EMC2: variants seen among roughly 807,000 people sequenced by gnomAD.
EMC2 encodes the protein ER membrane protein complex subunit 2, also known as TPR repeat protein 35.
A neutral mutation model predicts 51.6 loss-of-function variants in EMC2; 37 were observed. That is an observed-to-expected ratio of 0.72 (90% CI 0.55 to 0.94). The LOEUF (loss-of-function observed/expected upper bound fraction) is 0.94. Ranked by LOEUF, EMC2 falls within the 40% of genes least tolerant of loss-of-function variation. The probability of loss-of-function intolerance (pLI) is 0.00; values close to 1 mark genes in which losing one functional copy is unlikely to be tolerated. For missense variants in EMC2, 359 were observed against 350.9 expected, an observed-to-expected ratio of 1.02 and a Z score of -0.18; for synonymous variants, 131 against 112.4, an observed-to-expected ratio of 1.17 and a Z score of -1.04.
At chr8:108,456,360 A>AAC in intron 5 of EMC2, among the ~76,000 whole-genome samples, 1 of 149,912 alleles carries the variant, frequency 6.7e-6, no homozygotes. Context: ...AAAAAAAAAA[A>AAC]ACAACTTCTA....
At chr8:108,465,973 AAAT>A (rs763475144) in intron 5 of EMC2, among the ~76,000 whole-genome samples, 100 of 152,350 alleles carry the variant, frequency 6.6e-4, no homozygotes, top group Non-Finnish European at 1.2e-3. Context: ...GAATTGAAGA[AAAT>A]GATGATGATG....
chr8:108,446,216 A>T, intron 1 of EMC2: 1 of 371,736 alleles, frequency 2.7e-6, no homozygotes, highest in Non-Finnish European at 5.5e-6. Context: ...TGAGTGATGA[A>T]GAACTCCAAT....
intron 10 of EMC2, among the ~76,000 whole-genome samples, chr8:108,483,311 T>A (rs1033731854): frequency 6.6e-6 from 1 of 152,184 alleles, no homozygotes; most frequent in African/African-American, 2.4e-5. Context: ...GACAAATGTG[T>A]ACATCCCCTT....
At chr8:108,483,550 C>G (rs1811083917) in intron 10 of EMC2, among the ~76,000 whole-genome samples, 1 of 152,182 alleles carries the variant, frequency 6.6e-6, no homozygotes, top group African/African-American at 2.4e-5. Flanking sequence ...CATTCATTTA[C>G]AGTCCATTTC....
chr8:108,466,442 A>ATTTT (rs869102478), intron 5 of EMC2, among the ~76,000 whole-genome samples: 1 of 91,038 alleles, frequency 1.1e-5, no homozygotes, highest in Non-Finnish European at 2.0e-5. Flanking sequence ...CTATGATAGA[A>ATTTT]TTTTTTTTTT....
chr8:108,467,121 T>C (rs1810738016), intron 5 of EMC2, among the ~76,000 whole-genome samples: 1 of 152,224 alleles, frequency 6.6e-6, no homozygotes, highest in Non-Finnish European at 1.5e-5. Context: ...ATTTGTGATG[T>C]ATTCATTTAT....
chr8:108,460,059 G>T (rs1819278721), intron 5 of EMC2, among the ~76,000 whole-genome samples: 2 of 151,948 alleles, frequency 1.3e-5, no homozygotes, highest in South Asian at 4.1e-4. Context: ...TAATTTATAA[G>T]ACTTCACTGT....
intron 9 of EMC2, 126 bp downstream of exon 9, chr8:108,477,018 A>G (rs1810959893): frequency 7.3e-6 from 4 of 549,652 alleles, no homozygotes; most frequent in South Asian, 2.6e-5. Context: ...TTTTTCTGTA[A>G]TTAATTCTGA....
intron 5 of EMC2, among the ~76,000 whole-genome samples, chr8:108,459,531 C>T (rs1480235815): frequency 6.6e-6 from 1 of 152,092 alleles, no homozygotes. Flanking sequence ...CAGGGAAACT[C>T]CCATTTTAAA....
At chr8:108,486,472 A>AT (rs1235800713) in intron 10 of EMC2, 40 bp from the exon 11 acceptor site, 1 of 1,486,450 alleles carries the variant, frequency 6.7e-7, no homozygotes, top group Admixed American at 2.4e-5. Flanking sequence ...TGCCACTGAA[A>AT]TTGAGCCTAA....
At chr8:108,449,267 C>T (rs1374423718) in intron 1 of EMC2, among the ~76,000 whole-genome samples, 1 of 134,574 alleles carries the variant, frequency 7.4e-6, no homozygotes, top group African/African-American at 3.0e-5. Flanking sequence ...CGGGTGCCAC[C>T]ATGCTGCCTT....
At chr8:108,486,488 C>CTTTTTTTTTTTTTTTTTT (rs34429579) in intron 10 of EMC2, 24 bp from the exon 11 acceptor site, 1 of 1,153,128 alleles carries the variant, frequency 8.7e-7, no homozygotes, top group Non-Finnish European at 1.1e-6. Context: ...CCTAATTGAG[C>CTTTTTTTTTTTTTTTTTT]TTTTTTTTTT....
intron 10 of EMC2, 51 bp from the exon 11 acceptor site, chr8:108,486,461 C>T: frequency 1.4e-6 from 2 of 1,481,292 alleles, no homozygotes; most frequent in South Asian, 1.5e-5. Context: ...CATTTTTAAC[C>T]TGCCACTGAA....
At chr8:108,461,190 A>C (rs1329091498) in intron 5 of EMC2, among the ~76,000 whole-genome samples, 2 of 152,236 alleles carry the variant, frequency 1.3e-5, no homozygotes, top group Non-Finnish European at 2.9e-5. Flanking sequence ...CATTGTTGAA[A>C]AGTGATCACG....
intron 10 of EMC2, among the ~76,000 whole-genome samples, chr8:108,483,890 T>C (rs1811089888): frequency 1.3e-5 from 2 of 152,112 alleles, no homozygotes; most frequent in African/African-American, 2.4e-5. Context: ...CAGTGAGAAT[T>C]TCTTAATCAT....
Position 108,447,868 on chromosome 8 carries a change from G to C in EMC2, c.41-1955G>C, listed in dbSNP as rs146530032. On this transcript the variant is annotated intron_variant, in intron 1 of 10. Coordinates refer to ENST00000220853, the MANE Select transcript of EMC2 (RefSeq NM_014673.5). The stretch of plus-strand genomic sequence containing the variant: ...AATGAAAGTTTTAAGCCACCTTTGA[G>C]GAAAGAGTGAGGGAAGAGCCTTTAT... Among the ~76,000 whole-genome samples, 990 of 152,172 alleles carry C rather than the reference G, an allele frequency of 6.5e-3. 7 individuals are homozygous for C. Among genetic ancestry groups the C allele is most frequent in the Middle Eastern group, 0.024 (7 of 294 alleles).
intron 5 of EMC2, among the ~76,000 whole-genome samples, chr8:108,459,871 TAAG>T (rs778726567): frequency 2.6e-5 from 4 of 152,028 alleles, no homozygotes; most frequent in African/African-American, 9.7e-5. Flanking sequence ...AAAATAAAAA[TAAG>T]AAATAGCTTC....
At chr8:108,452,131 G>T (rs1819039848) in intron 3 of EMC2, among the ~76,000 whole-genome samples, 1 of 152,200 alleles carries the variant, frequency 6.6e-6, no homozygotes, top group African/African-American at 2.4e-5. Context: ...ATGTTGCTGA[G>T]AATGTAGATA....
At chr8:108,445,818 T>G (rs1193442948) in intron 1 of EMC2, among the ~76,000 whole-genome samples, 1 of 152,222 alleles carries the variant, frequency 6.6e-6, no homozygotes, top group African/African-American at 2.4e-5. Flanking sequence ...GATGACTAAA[T>G]GAATTGTTAA....
Sources: gnomAD v4.1 joint callset for allele counts (sites outside exome capture counted in the v4.1 genomes callset) on GRCh38, gnomAD v4.1.1 for gene constraint, MANE v1.5 for transcripts, NCBI Gene and HGNC (gene_info 2026-07-23, HGNC 2026-07-21) for gene names.